CCDC33: variants seen among roughly 807,000 people sequenced by gnomAD.
CCDC33 encodes the protein coiled-coil domain-containing protein 33.
A neutral mutation model predicts 91.9 loss-of-function variants in CCDC33; 94 were observed. The ratio of observed to expected loss-of-function variants is 1.02; its 90% CI spans 0.87 to 1.21. CCDC33 has a LOEUF of 1.21. CCDC33 is among the 50% of genes most tolerant of loss of function. The pLI is 0.00. For synonymous variants in CCDC33, 396 were observed against 374.5 expected (o/e 1.06, Z -0.66); for missense variants, 940 against 935.5 (o/e 1.00, Z -0.06).
At chr15:74,313,473 C>G (rs2060031871) in intron 11 of CCDC33, among the ~76,000 whole-genome samples, 1 of 130,308 alleles carries the variant, frequency 7.7e-6, no homozygotes, top group South Asian at 2.4e-4. Context: ...GGCTGGAGTA[C>G]AGTGGCGCGA....
Position 74,281,764 on chromosome 15 carries a change from CT to C in CCDC33, c.1024-10del, listed in dbSNP as rs34432882. The stretch of plus-strand genomic sequence containing the variant: ...CTGGCCAGCATGGTCTGAGTGCTCC[CT>C]TTTCCTCCCCAGGACACCAGCCTGA... On this transcript the variant is annotated splice_polypyrimidine_tract_variant and intron_variant, in intron 9 of 18. Coordinates refer to ENST00000398814, the MANE Select transcript of CCDC33 (RefSeq NM_025055.5). The C allele has an allele frequency of 3.7e-6, 6 of 1,612,778 alleles. No homozygotes were observed. The Admixed American group carries it at 8.3e-5, about 22-fold the overall frequency.
chr15:74,214,837 G>C (rs566963291), upstream of CCDC33, among the ~76,000 whole-genome samples: 1 of 152,304 alleles, frequency 6.6e-6, no homozygotes, highest in African/African-American at 2.4e-5. Context: ...ATAGCCAAAA[G>C]AACTCTTATT....
At chr15:74,334,113 A>G (rs2060502421) in intron 17 of CCDC33, 146 bp downstream of exon 17, 3 of 662,990 alleles carry the variant, frequency 4.5e-6, no homozygotes, top group Non-Finnish European at 5.0e-6. Flanking sequence ...TCAGTGTGCA[A>G]CCAGGGTCAG....
At chr15:74,279,812 C>T (rs974052642) in intron 7 of CCDC33, 151 bp from the exon 8 acceptor site, 7 of 1,028,810 alleles carry the variant, frequency 6.8e-6, no homozygotes, top group South Asian at 3.3e-5. Flanking sequence ...GCTGGAATTA[C>T]AGGCGTGAGC....
chr15:74,221,463 C>A (rs187493529), intron 2 of CCDC33: 426 of 258,210 alleles, frequency 1.6e-3, no homozygotes, highest in Middle Eastern at 3.8e-3. Flanking sequence ...CCTTAAATGG[C>A]CCTGCCAATG....
chr15:74,262,915 T>C (rs1361016646), intron 3 of CCDC33, among the ~76,000 whole-genome samples: 1 of 152,076 alleles, frequency 6.6e-6, no homozygotes, highest in African/African-American at 2.4e-5. Flanking sequence ...CTCATTGGAG[T>C]CACCACCTCC....
chr15:74,211,972 A>G (rs560704151), intron 2 of CCDC33, among the ~76,000 whole-genome samples: 2 of 151,746 alleles, frequency 1.3e-5, no homozygotes, highest in East Asian at 1.9e-4. Flanking sequence ...CCCACTCCCC[A>G]GTCTGGCTGT....
chr15:74,310,544 A>AG (rs1367515336), intron 11 of CCDC33, among the ~76,000 whole-genome samples: 3 of 146,560 alleles, frequency 2.0e-5, no homozygotes, highest in Non-Finnish European at 4.4e-5. Flanking sequence ...TCAAAAAAAA[A>AG]AAAAAAAAAG....
intron 10 of CCDC33, among the ~76,000 whole-genome samples, chr15:74,288,623 C>T (rs2059524407): frequency 6.6e-6 from 1 of 152,200 alleles, no homozygotes; most frequent in African/African-American, 2.4e-5. Context: ...CTATACTGAA[C>T]TTAGACAGGG....
chr15:74,268,481 GGGT>G (rs762144685), intron 5 of CCDC33, 23 bp downstream of exon 5: 1,187 of 1,485,660 alleles, frequency 8.0e-4, no homozygotes, highest in Non-Finnish European at 9.8e-4. Context: ...GGGCCCTCTG[GGGT>G]GGTGGTGGGG....
intron 11 of CCDC33, among the ~76,000 whole-genome samples, chr15:74,309,175 C>G (rs370502222): frequency 2.6e-5 from 4 of 152,308 alleles, no homozygotes; most frequent in South Asian, 4.1e-4. Context: ...GTTCCCTTGC[C>G]TGCAACAGGA....
chr15:74,205,349 G>A (rs964866070), intron 1 of CCDC33, among the ~76,000 whole-genome samples: 1 of 152,242 alleles, frequency 6.6e-6, no homozygotes, highest in African/African-American at 2.4e-5. Context: ...ACCAGCATCA[G>A]CTTCTGGGGA....
intron 7 of CCDC33, among the ~76,000 whole-genome samples, chr15:74,279,308 T>C (rs2076528611): frequency 1.3e-5 from 2 of 152,294 alleles, no homozygotes; most frequent in South Asian, 4.1e-4. Flanking sequence ...GAGCTTTCTG[T>C]GACTTTGGAT....
intron 10 of CCDC33, among the ~76,000 whole-genome samples, chr15:74,283,314 C>T (rs1333876229): frequency 6.6e-6 from 1 of 152,230 alleles, no homozygotes; most frequent in Non-Finnish European, 1.5e-5. Context: ...CCACTGCCAG[C>T]CCCTCCCCAC....
At chr15:74,323,241 C>T (rs1393806935) in intron 11 of CCDC33, among the ~76,000 whole-genome samples, 3 of 152,148 alleles carry the variant, frequency 2.0e-5, no homozygotes, top group Non-Finnish European at 4.4e-5. Flanking sequence ...GCTCCCTCTG[C>T]AGATCCGGAA....
At chr15:74,231,496 T>C (rs1397150603), upstream of CCDC33, among the ~76,000 whole-genome samples, 1 of 152,182 alleles carries the variant, frequency 6.6e-6, no homozygotes, top group East Asian at 1.9e-4. Context: ...AGGCCAGGTG[T>C]TTTCATCTCT....
chr15:74,208,690 C>T lies in CCDC33; in HGVS notation n.90-698C>T, dbSNP rs904249049. The T allele has an allele frequency of 9.1e-6, 9 of 986,122 alleles. 1 individual carries two copies. In the South Asian group the frequency reaches 2.3e-4, roughly 26 times the overall value. 61.1% of individuals were successfully genotyped at this position (986,122 alleles called of 1,614,324 possible). On this transcript the variant is annotated intron_variant and non_coding_transcript_variant, in intron 1 of 3. Transcript: ENST00000558645. ...GCCCATCACTCTGCTCACTTCCTGC[C>T]CCTAGGCTCTGACTCCTGCTCACTT...
At chr15:74,225,435 C>T (rs572025364) in intron 2 of CCDC33, among the ~76,000 whole-genome samples, 119 of 151,590 alleles carry the variant, frequency 7.9e-4, no homozygotes, top group African/African-American at 2.8e-3. Flanking sequence ...CTCCATCCAC[C>T]CTCATGGATG....
In CCDC33 at chr15:74,336,106, C is replaced by A; in HGVS notation, c.*53C>A. 2 of 1,593,094 alleles carry A rather than the reference C, an allele frequency of 1.3e-6. No individual in the cohort carries two copies. Among genetic ancestry groups the A allele is most frequent in the South Asian group, 1.1e-5 (1 of 90,018 alleles). On this transcript the variant is annotated 3_prime_UTR_variant, in exon 19 of 19. Coordinates refer to ENST00000398814, the MANE Select transcript of CCDC33 (RefSeq NM_025055.5). The stretch of plus-strand genomic sequence containing the variant: ...TGCTGGGGAGTCTCATCACCGCCCC[C>A]TAAAAATGACGTTATTAAATGTTGT...
Sources: allele counts gnomAD v4.1 joint callset (sites outside exome capture counted in the v4.1 genomes callset), GRCh38; gene constraint gnomAD v4.1.1; transcripts MANE v1.5; gene names NCBI Gene and HGNC (gene_info 2026-07-23, HGNC 2026-07-21).